Variants in CLASP2 observed in about 807,000 individuals in gnomAD.
CLASP2 encodes cytoplasmic linker associated protein 2.
A neutral mutation model predicts 194.4 loss-of-function variants in CLASP2; 47 were observed. The observed-to-expected ratio is 0.24, with a 90% CI of 0.19 to 0.31. The LOEUF is 0.31. CLASP2 is among the 10% of genes least tolerant of loss of function. The probability of loss-of-function intolerance (pLI) is 1.00; values close to 1 mark genes in which losing one functional copy is unlikely to be tolerated. For synonymous variants in CLASP2, 619 were observed against 633.5 expected (o/e 0.98, Z 0.34); for missense variants, 1,445 against 1,823.6 (o/e 0.79, Z 3.78).
At chr3:33,649,210 CAAA>C (rs1259846085) in intron 7 of CLASP2, among the ~76,000 whole-genome samples, 2 of 152,200 alleles carry the variant, frequency 1.3e-5, no homozygotes, top group Non-Finnish European at 2.9e-5. Context: ...GCTGCCTTCT[CAAA>C]GAAGTTTTCT....
intron 25 of CLASP2, among the ~76,000 whole-genome samples, chr3:33,571,020 T>TA (rs1348052397): frequency 7.0e-6 from 1 of 142,684 alleles, no homozygotes; most frequent in Non-Finnish European, 1.5e-5. Context: ...TATAAATTTT[T>TA]TTTTTTTTTT....
intron 8 of CLASP2, among the ~76,000 whole-genome samples, chr3:33,641,329 A>G (rs115269462): frequency 0.019 from 2,925 of 152,104 alleles, 55 homozygotes; most frequent in African/African-American, 0.045. Context: ...CTAAATTTCT[A>G]TTATGAAGTT....
At chr3:33,688,063 A>G (rs959853755) in intron 4 of CLASP2, among the ~76,000 whole-genome samples, 20 of 152,260 alleles carry the variant, frequency 1.3e-4, no homozygotes, top group Non-Finnish European at 2.6e-4. Context: ...TACTAAAGAA[A>G]AAAAGAGAAA....
intron 13 of CLASP2, among the ~76,000 whole-genome samples, chr3:33,610,042 A>T (rs73055616): frequency 3.7e-4 from 57 of 152,354 alleles, no homozygotes; most frequent in Non-Finnish European, 6.0e-4. Context: ...CACATGAAAT[A>T]CGTTTTGAAC....
At chr3:33,577,187 G>A (rs1254291053) in intron 23 of CLASP2, 10 of 1,574,686 alleles carry the variant, frequency 6.4e-6, no homozygotes, top group Non-Finnish European at 8.6e-6. Context: ...TAGTGAAAAT[G>A]TACTCATCCT....
At chr3:33,695,975 C>T (rs2091853441) in intron 2 of CLASP2, among the ~76,000 whole-genome samples, 1 of 152,134 alleles carries the variant, frequency 6.6e-6, no homozygotes, top group South Asian at 2.1e-4. Flanking sequence ...GAGCATTATC[C>T]TACCATATGC....
At position 33,647,692 on chromosome 3, in the gene CLASP2, A is replaced by C. The variant is rs192066924; in HGVS notation, c.716-2789T>G. ...AAAAACAGGAGGGCAGATGGTTTTG[A>C]TCCGCAAGCAACAGTTTGCCAATCT... On this transcript the variant is annotated intron_variant, in intron 7 of 38. Coordinates refer to ENST00000682230, the MANE Select transcript of CLASP2 (RefSeq NM_001365631.1). Among the ~76,000 whole-genome samples the C allele has an allele frequency of 3.3e-4, 50 of 152,324 alleles. 1 individual carries two copies. The highest frequency in any genetic ancestry group is 6.8e-3 in the Middle Eastern group (2 of 294).
At chr3:33,552,950 T>C (rs1040946726) in intron 29 of CLASP2, among the ~76,000 whole-genome samples, 1 of 152,212 alleles carries the variant, frequency 6.6e-6, no homozygotes, top group Non-Finnish European at 1.5e-5. Flanking sequence ...AGAAACAGCA[T>C]ATGACATAGT....
rs543876183 is a variant in CLASP2, at chr3:33,497,662, C to A, written c.*969G>T. Reference sequence around the variant, plus strand: ...ATGGTAAAAGGAAACCAGGTTCCACCATTTAAAGAAAAGGTGCTGGTCACT... The same window carrying A: ...ATGGTAAAAGGAAACCAGGTTCCACAATTTAAAGAAAAGGTGCTGGTCACT... On this transcript the variant is annotated 3_prime_UTR_variant, in exon 39 of 39. Coordinates refer to ENST00000682230, the MANE Select transcript of CLASP2 (RefSeq NM_001365631.1). The A allele has an allele frequency of 3.9e-5, 6 of 152,530 alleles. No individual in the cohort carries two copies. Among genetic ancestry groups the A allele is most frequent in the Non-Finnish European group, 8.8e-5 (6 of 68,024 alleles). The allele number at this position is 152,530 out of a possible 1,614,324, so 9.4% of individuals were successfully genotyped here.
At chr3:33,632,476 T>C in intron 8 of CLASP2, 105 bp from the exon 9 acceptor site, 1 of 750,312 alleles carries the variant, frequency 1.3e-6, no homozygotes, top group Non-Finnish European at 2.1e-6. Flanking sequence ...AAAAGTATAA[T>C]TTTAAGGGAT....
chr3:33,603,682 G>A (rs1310772029), intron 17 of CLASP2, among the ~76,000 whole-genome samples: 3 of 151,916 alleles, frequency 2.0e-5, no homozygotes, highest in Non-Finnish European at 2.9e-5. Flanking sequence ...GAGTGCAGTG[G>A]CGCGATCTCG....
intron 13 of CLASP2, among the ~76,000 whole-genome samples, chr3:33,609,171 T>C (rs1049720679): frequency 6.6e-6 from 1 of 151,726 alleles, no homozygotes; most frequent in Non-Finnish European, 1.5e-5. Flanking sequence ...TCCCAGCTAC[T>C]TGAGAGGTGG....
At chr3:33,498,810 G>A in intron 38 of CLASP2, 93 bp from the exon 39 acceptor site, 1 of 583,926 alleles carries the variant, frequency 1.7e-6, no homozygotes. Flanking sequence ...TGTGAGCTCT[G>A]AAAGATAGAT....
intron 10 of CLASP2, among the ~76,000 whole-genome samples, chr3:33,626,591 T>C (rs1324132604): frequency 1.3e-5 from 2 of 152,168 alleles, no homozygotes; most frequent in African/African-American, 2.4e-5. Context: ...GAATTTACAT[T>C]GATGCTATGA....
At chr3:33,620,538 TTATAA>T (rs1424953461) in intron 11 of CLASP2, among the ~76,000 whole-genome samples, 1 of 152,186 alleles carries the variant, frequency 6.6e-6, no homozygotes, top group African/African-American at 2.4e-5. Flanking sequence ...CTATGCACTG[TTATAA>T]TATTAGTTTT....
At chr3:33,563,048 A>G (rs1472809214) in intron 27 of CLASP2, among the ~76,000 whole-genome samples, 2 of 152,036 alleles carry the variant, frequency 1.3e-5, no homozygotes, top group African/African-American at 4.8e-5. Flanking sequence ...TTTTATGGCT[A>G]ATCTTTCTAC....
In CLASP2 at chr3:33,498,623, G is replaced by T. The variant is rs759726729; in HGVS notation, c.*8C>A. 1 of 1,596,558 alleles carries T rather than the reference G, an allele frequency of 6.3e-7. No individual in the cohort carries two copies. Among genetic ancestry groups the T allele is most frequent in the East Asian group, 2.2e-5 (1 of 44,596 alleles). ...TTTGAGAGACCTGGTTCGCTGTGAT[G>T]AGCTTCACTAACTTTGTCCAGAAAC... On this transcript the variant is annotated 3_prime_UTR_variant, in exon 39 of 39. Coordinates refer to ENST00000682230, the MANE Select transcript of CLASP2 (RefSeq NM_001365631.1).
chr3:33,703,555 T>G (rs2092506545), intron 1 of CLASP2, among the ~76,000 whole-genome samples: 1 of 152,254 alleles, frequency 6.6e-6, no homozygotes, highest in African/African-American at 2.4e-5. Flanking sequence ...CTATATATAC[T>G]TTCCCCCATA....
In CLASP2 at chr3:33,501,895, C is replaced by G. The variant is rs2046934175; in HGVS notation, c.4318-127G>C. On this transcript the variant is annotated intron_variant, in intron 37 of 38. Coordinates refer to ENST00000682230, the MANE Select transcript of CLASP2 (RefSeq NM_001365631.1). ...ATACTAAGGAGAGAAAAGTGCAGATCAAAGTTAACTTTTTAACCTTTTCAA... is the reference window on the plus strand; with the variant it reads ...ATACTAAGGAGAGAAAAGTGCAGATGAAAGTTAACTTTTTAACCTTTTCAA... 9 of 645,772 alleles carry G rather than the reference C, an allele frequency of 1.4e-5. No homozygotes were observed. In the South Asian group the frequency reaches 1.7e-4, roughly 12 times the overall value. The allele number at this position is 645,772 out of a possible 1,614,324, so 40.0% of individuals were successfully genotyped here.
Sources: gnomAD v4.1 joint callset for allele counts (sites outside exome capture counted in the v4.1 genomes callset) on GRCh38, gnomAD v4.1.1 for gene constraint, MANE v1.5 for transcripts, NCBI Gene and HGNC (gene_info 2026-07-23, HGNC 2026-07-21) for gene names.